DPYD: variants seen among roughly 807,000 people sequenced by gnomAD.
DPYD encodes the protein dihydropyrimidine dehydrogenase.
DPYD carries 109 observed loss-of-function variants against 116.2 expected under a neutral mutation model. The ratio of observed to expected loss-of-function variants is 0.94; its 90% confidence interval spans 0.80 to 1.10. DPYD has a LOEUF of 1.10. DPYD is among the 50% of genes least tolerant of loss of function. The pLI is 0.00. For synonymous variants in DPYD, 440 were observed against 432.0 expected, an observed-to-expected ratio of 1.02 and a Z score of -0.23; for missense variants, 1,302 against 1,254.5, an observed-to-expected ratio of 1.04 and a Z score of -0.57.
intron 21 of DPYD, among the ~76,000 whole-genome samples, chr1:97,088,639 G>C (rs564928927): frequency 5.3e-4 from 80 of 152,148 alleles, no homozygotes; most frequent in African/African-American, 1.9e-3. Context: ...ACTCCACCCT[G>C]AGGTTTGTGG....
intron 16 of DPYD, among the ~76,000 whole-genome samples, chr1:97,365,592 G>C (rs965814697): frequency 1.3e-5 from 2 of 152,006 alleles, no homozygotes; most frequent in Admixed American, 1.3e-4. Context: ...CTTATTTCTG[G>C]AATAAAACAA....
chr1:97,786,366 G>A (rs531421888), intron 3 of DPYD, among the ~76,000 whole-genome samples: 9 of 152,276 alleles, frequency 5.9e-5, no homozygotes, highest in East Asian at 1.9e-4. Context: ...CATTTGTGAC[G>A]TGTAATTGGC....
chr1:97,226,204 C>A (rs971791321), intron 19 of DPYD, among the ~76,000 whole-genome samples: 1 of 152,048 alleles, frequency 6.6e-6, no homozygotes, highest in Non-Finnish European at 1.5e-5. Context: ...TTAATAAAAA[C>A]TCTCAAAAAA....
chr1:97,288,907 T>C (rs1385860281), intron 18 of DPYD, among the ~76,000 whole-genome samples: 1 of 152,016 alleles, frequency 6.6e-6, no homozygotes, highest in Non-Finnish European at 1.5e-5. Context: ...ATCTGGTTTT[T>C]TGAAAGGATC....
chr1:97,549,769 A>G (rs746101725), intron 11 of DPYD, 25 bp from the exon 12 acceptor site: 8 of 1,589,690 alleles, frequency 5.0e-6, no homozygotes, highest in Non-Finnish European at 6.9e-6. Context: ...GAAAAACAAT[A>G]GACAATCACT....
At chr1:97,914,983 T>A (rs946776081) in intron 1 of DPYD, among the ~76,000 whole-genome samples, 2 of 152,158 alleles carry the variant, frequency 1.3e-5, no homozygotes, top group Non-Finnish European at 2.9e-5. Flanking sequence ...TTCTTGCCAA[T>A]TGATGTTTAT....
At chr1:97,627,877 T>A (rs1229897511) in intron 8 of DPYD, among the ~76,000 whole-genome samples, 1 of 151,864 alleles carries the variant, frequency 6.6e-6, no homozygotes, top group African/African-American at 2.4e-5. Context: ...TATAATACTA[T>A]TAGGTTCAGG....
chr1:97,257,597 C>T (rs1348224472), intron 18 of DPYD, among the ~76,000 whole-genome samples: 1 of 151,002 alleles, frequency 6.6e-6, no homozygotes, highest in Non-Finnish European at 1.5e-5. Context: ...ATATATGGTA[C>T]AAGTATATCT....
At chr1:97,566,782 G>C (rs1438653427) in intron 11 of DPYD, among the ~76,000 whole-genome samples, 5 of 152,122 alleles carry the variant, frequency 3.3e-5, no homozygotes, top group Non-Finnish European at 5.9e-5. Context: ...TTTGCCACCA[G>C]TAGCTTCTAT....
At chr1:97,514,678 T>TA (rs573821608) in intron 13 of DPYD, among the ~76,000 whole-genome samples, 3 of 151,846 alleles carry the variant, frequency 2.0e-5, no homozygotes, top group Admixed American at 1.3e-4. Flanking sequence ...TCTTTAAATA[T>TA]AAAAAATCTT....
intron 1 of DPYD, among the ~76,000 whole-genome samples, chr1:97,903,785 A>C (rs2101690653): frequency 6.6e-6 from 1 of 152,100 alleles, no homozygotes; most frequent in Admixed American, 6.6e-5. Context: ...CAGCCTTTTA[A>C]AAAGCTGCCT....
chr1:97,647,428 C>A (rs560003217), intron 8 of DPYD, among the ~76,000 whole-genome samples: 4 of 151,922 alleles, frequency 2.6e-5, no homozygotes, highest in African/African-American at 9.6e-5. Context: ...ATGAAGAAAA[C>A]AATAATAAGA....
chr1:97,876,911 T>C (rs1416627534), intron 2 of DPYD, among the ~76,000 whole-genome samples: 1 of 151,986 alleles, frequency 6.6e-6, no homozygotes, highest in Non-Finnish European at 1.5e-5. Flanking sequence ...CCAGTCTATA[T>C]AAATATTTAA....
chr1:97,615,865 A>C (rs1656235535), intron 8 of DPYD, among the ~76,000 whole-genome samples: 1 of 152,112 alleles, frequency 6.6e-6, no homozygotes, highest in Non-Finnish European at 1.5e-5. Flanking sequence ...ATTCTGTCCT[A>C]TAGTGCACTG....
chr1:97,597,372 T>C (rs763074791), intron 8 of DPYD, among the ~76,000 whole-genome samples: 49 of 152,162 alleles, frequency 3.2e-4, no homozygotes, highest in Admixed American at 2.4e-3. Context: ...TCTATGCTAA[T>C]CATAGTGCTG....
intron 16 of DPYD, among the ~76,000 whole-genome samples, chr1:97,342,111 T>A (rs186125934): frequency 1.3e-3 from 199 of 152,310 alleles, no homozygotes; most frequent in Non-Finnish European, 2.2e-3. Flanking sequence ...GAAGTATAAT[T>A]TTTTAGAAAA....
At chr1:97,702,223 A>T (rs1571215172) in intron 5 of DPYD, among the ~76,000 whole-genome samples, 2 of 151,354 alleles carry the variant, frequency 1.3e-5, no homozygotes, top group South Asian at 4.1e-4. Context: ...CTTTTCATAA[A>T]TATATATTTT....
chr1:97,671,488 T>C (rs568929114), intron 8 of DPYD, among the ~76,000 whole-genome samples: 102 of 152,312 alleles, frequency 6.7e-4, no homozygotes, highest in African/African-American at 2.3e-3. Context: ...AATGAATATG[T>C]CTTTGCATTT....
At chr1:97,624,894 G>A (rs150817555) in intron 8 of DPYD, among the ~76,000 whole-genome samples, 52 of 152,148 alleles carry the variant, frequency 3.4e-4, no homozygotes, top group African/African-American at 1.2e-3. Context: ...TCACTTGGAT[G>A]TCGAATCTGA....
Sources: allele counts gnomAD v4.1 joint callset (sites outside exome capture counted in the v4.1 genomes callset), GRCh38; gene constraint gnomAD v4.1.1; transcripts MANE v1.5; gene names NCBI Gene and HGNC (gene_info 2026-07-23, HGNC 2026-07-21).